DNAI3: variants seen among roughly 807,000 people sequenced by gnomAD.
DNAI3 encodes WD repeat domain 63.
In DNAI3, 83 loss-of-function variants were observed where a neutral mutation model predicts 115.5. The ratio of observed to expected loss-of-function variants is 0.72; its 90% CI spans 0.60 to 0.86. DNAI3 has a LOEUF of 0.86. Ranked by LOEUF, DNAI3 falls within the 40% of genes least tolerant of loss-of-function variation. DNAI3 has a pLI of 0.00. For synonymous variants in DNAI3, 320 were observed against 347.0 expected, an observed-to-expected ratio of 0.92 and a Z score of 0.86; for missense variants, 1,004 against 1,075.8, an observed-to-expected ratio of 0.93 and a Z score of 0.93.
intron 11 of DNAI3, 26 bp downstream of exon 11, chr1:85,096,046 A>C (rs753934070): frequency 1.3e-6 from 2 of 1,598,146 alleles, no homozygotes; most frequent in African/African-American, 1.3e-5. Context: ...TTTTTCAGCT[A>C]TGTATTAATG....
chr1:85,076,448 G>A (rs904047080), intron 3 of DNAI3, among the ~76,000 whole-genome samples: 2 of 152,188 alleles, frequency 1.3e-5, no homozygotes, highest in East Asian at 1.9e-4. Flanking sequence ...ATACAGAAGT[G>A]CATTAGTCTG....
At chr1:85,132,715 T>C (rs1656375719) in intron 22 of DNAI3, 140 bp from the exon 23 acceptor site, 2 of 869,562 alleles carry the variant, frequency 2.3e-6, no homozygotes, top group Non-Finnish European at 3.3e-6. Flanking sequence ...CCACCTGCCC[T>C]CCTGCCTTCC....
At chr1:85,104,699 G>A in intron 14 of DNAI3, 102 bp downstream of exon 14, 1 of 918,096 alleles carries the variant, frequency 1.1e-6, no homozygotes, top group Non-Finnish European at 1.7e-6. Flanking sequence ...ATTTATGGTA[G>A]CAATTAAATC....
chr1:85,070,087 C>T (rs544073372), intron 1 of DNAI3, among the ~76,000 whole-genome samples: 5 of 151,916 alleles, frequency 3.3e-5, no homozygotes, highest in Admixed American at 6.6e-5. Context: ...ATGGTGAAGC[C>T]CCGTCTCTAC....
chr1:85,063,236 G>A (rs1288016257), intron 1 of DNAI3, among the ~76,000 whole-genome samples: 1 of 152,054 alleles, frequency 6.6e-6, no homozygotes, highest in Non-Finnish European at 1.5e-5. Flanking sequence ...AGTCAGGGAG[G>A]CTTTCGGCTT....
chr1:85,077,691 T>C (rs1230281524), intron 3 of DNAI3, among the ~76,000 whole-genome samples: 1 of 152,128 alleles, frequency 6.6e-6, no homozygotes, highest in Admixed American at 6.5e-5. Flanking sequence ...GGAGGTGTAT[T>C]GGAAGGCAGG....
At chr1:85,091,635 T>C (rs1349858945) in intron 8 of DNAI3, among the ~76,000 whole-genome samples, 2 of 152,230 alleles carry the variant, frequency 1.3e-5, no homozygotes, top group African/African-American at 2.4e-5. Flanking sequence ...TTCTTTCTCA[T>C]AGAATTTTAT....
chr1:85,112,588 C>T (rs1036618059), intron 16 of DNAI3, among the ~76,000 whole-genome samples: 2 of 152,168 alleles, frequency 1.3e-5, no homozygotes, highest in African/African-American at 4.8e-5. Context: ...CACATCCTTG[C>T]CAACAGTTGA....
chr1:85,101,727 C>CAAAAAAAAAAA, intron 13 of DNAI3, among the ~76,000 whole-genome samples: 1 of 14,440 alleles, frequency 6.9e-5, no homozygotes, highest in Non-Finnish European at 1.1e-4. Context: ...GACTCCATCT[C>CAAAAAAAAAAA]AAAAAAAAAA....
chr1:85,112,168 T>C (rs1016066126), intron 16 of DNAI3, among the ~76,000 whole-genome samples: 4 of 152,144 alleles, frequency 2.6e-5, no homozygotes, highest in Admixed American at 2.6e-4. Flanking sequence ...CCTCCTGTCT[T>C]AGCCTCCTGA....
At chr1:85,069,478 ATAGCATCTGGTG>A (rs1409593097) in intron 1 of DNAI3, among the ~76,000 whole-genome samples, 2 of 152,202 alleles carry the variant, frequency 1.3e-5, no homozygotes, top group Non-Finnish European at 2.9e-5. Flanking sequence ...AACACCTAGG[ATAGCATCTGGTG>A]CAGCATAGTC....
intron 3 of DNAI3, among the ~76,000 whole-genome samples, chr1:85,073,554 C>G (rs4907023): frequency 0.59 from 89,827 of 152,006 alleles, 26,721 homozygotes; most frequent in Middle Eastern, 0.63. Flanking sequence ...AATCTTACAA[C>G]AAGACTTCTT....
At chr1:85,077,934 T>G (rs1429930268) in intron 3 of DNAI3, among the ~76,000 whole-genome samples, 2 of 152,164 alleles carry the variant, frequency 1.3e-5, no homozygotes, top group African/African-American at 2.4e-5. Flanking sequence ...CAACGCTCAT[T>G]ATGTAGGATA....
chr1:85,084,173 A>ATGTG lies in DNAI3; in HGVS notation c.391-361_391-358dup, dbSNP rs1553165770. Among the ~76,000 whole-genome samples the ATGTG allele has an allele frequency of 3.7e-4, 52 of 139,932 alleles. No homozygotes were observed. The South Asian group carries it at 4.1e-3, about 11-fold the overall frequency. The allele number at this position is 139,932 out of a possible 152,430, so 91.8% of individuals were successfully genotyped here. A position where few individuals can be genotyped will look rare whatever the true frequency, so the allele number is the denominator to read the frequency against. On this transcript the variant is annotated intron_variant, in intron 5 of 22. Transcript: ENST00000294664. The stretch of plus-strand genomic sequence containing the variant: ...AAAGCAGCAGTGTGTGTATATATAT[A>ATGTG]TGTGTGTGTGTGTGTATATATACAC...
At chr1:85,083,943 C>T (rs899823676) in intron 5 of DNAI3, among the ~76,000 whole-genome samples, 2 of 150,670 alleles carry the variant, frequency 1.3e-5, no homozygotes, top group Admixed American at 6.6e-5. Flanking sequence ...TTTTTATACT[C>T]AGTCTGCAAC....
intron 8 of DNAI3, among the ~76,000 whole-genome samples, chr1:85,091,550 A>G (rs767260716): frequency 6.6e-6 from 1 of 152,228 alleles, no homozygotes; most frequent in Non-Finnish European, 1.5e-5. Flanking sequence ...AAACTGCTTA[A>G]GCTTTATTCA....
intron 4 of DNAI3, 98 bp downstream of exon 4, chr1:85,081,513 CA>C: frequency 8.2e-7 from 1 of 1,214,682 alleles, no homozygotes; most frequent in South Asian, 2.0e-5. Context: ...AATCTGGCCC[CA>C]TTGCTTTGGG....
chr1:85,108,766 C>T (rs1447535094), intron 15 of DNAI3, among the ~76,000 whole-genome samples: 3 of 152,102 alleles, frequency 2.0e-5, no homozygotes, highest in Non-Finnish European at 4.4e-5. Context: ...CCTTTGCCTC[C>T]CTTCTTTCCT....
At position 85,098,415 on chromosome 1, in the gene DNAI3, T is replaced by C. The variant is rs1030381683; in HGVS notation, c.1351-115T>C. ...ATAGAGAAACACTAATTTATGTTTT[T>C]CCTTGAACTGGTATATCTCTAAATT... On this transcript the variant is annotated intron_variant, in intron 12 of 22. Transcript: ENST00000294664. 5 of 1,246,626 alleles carry C rather than the reference T, an allele frequency of 4.0e-6. No homozygotes were observed. In the Admixed American group the frequency reaches 1.2e-4, roughly 31 times the overall value. 77.2% of individuals were successfully genotyped at this position (1,246,626 alleles called of 1,614,324 possible).
Sources: gnomAD v4.1 joint callset for allele counts (sites outside exome capture counted in the v4.1 genomes callset) on GRCh38, gnomAD v4.1.1 for gene constraint, MANE v1.5 for transcripts, NCBI Gene and HGNC (gene_info 2026-07-23, HGNC 2026-07-21) for gene names.